JAKMIP3: variants seen among roughly 807,000 people sequenced by gnomAD.
JAKMIP3 encodes the protein Janus kinase and microtubule interacting protein 3.
JAKMIP3 carries 58 observed loss-of-function variants against 118.5 expected under a neutral mutation model. The observed-to-expected ratio is 0.49, with a 90% CI of 0.40 to 0.61. The LOEUF (loss-of-function observed/expected upper bound fraction) is 0.61, where lower values mean the gene tolerates loss of function less well. Ranked by LOEUF, JAKMIP3 falls within the 20% of genes least tolerant of loss-of-function variation. The pLI is 0.00. For synonymous variants in JAKMIP3, 486 were observed against 451.2 expected (o/e 1.08, Z -0.98); for missense variants, 950 against 1,109.0 (o/e 0.86, Z 2.04).
rs975801001 is a variant in JAKMIP3 at position 132,184,626 on chromosome 10, C to T, written c.*3373C>T. ...TCCCAGGCACTCCCTTCATAGTCAC[C>T]CTCTAACCACGTGACATTCCGTTCC... On this transcript the variant is annotated 3_prime_UTR_variant, in exon 24 of 24. Transcript: ENST00000684848. 1.3e-5 allele frequency: 2 copies of T among 152,144 alleles called. No individual in the cohort carries two copies. The highest frequency in any genetic ancestry group is 1.9e-4 in the East Asian group (1 of 5,200). The allele number at this position is 152,144 out of a possible 1,614,324, so 9.4% of individuals were successfully genotyped here. A position where few individuals can be genotyped will look rare whatever the true frequency, so the allele number is the denominator to read the frequency against.
chr10:132,062,536 G>A (rs188807193), upstream of JAKMIP3, among the ~76,000 whole-genome samples: 39 of 127,884 alleles, frequency 3.0e-4, no homozygotes, highest in Admixed American at 6.2e-4. Context: ...GAAGATGGAC[G>A]AAGATCTACA....
chr10:132,104,244 T>C (rs900850680), intron 1 of JAKMIP3, among the ~76,000 whole-genome samples: 3 of 152,100 alleles, frequency 2.0e-5, no homozygotes, highest in Non-Finnish European at 2.9e-5. Context: ...TGGGTGCAGC[T>C]TGTGGGTCTC....
At chr10:132,129,453 G>T (rs892107680) in intron 3 of JAKMIP3, among the ~76,000 whole-genome samples, 1 of 152,204 alleles carries the variant, frequency 6.6e-6, no homozygotes, top group Non-Finnish European at 1.5e-5. Flanking sequence ...TCCTTAGTCA[G>T]ATCTTTGGCA....
chr10:132,099,607 G>C (rs932301212), intron 1 of JAKMIP3, among the ~76,000 whole-genome samples: 4 of 152,186 alleles, frequency 2.6e-5, no homozygotes, highest in African/African-American at 9.7e-5. Flanking sequence ...TGCATATGCT[G>C]TGGGTTTTCC....
At chr10:132,099,033 T>C (rs1564894321) in intron 1 of JAKMIP3, among the ~76,000 whole-genome samples, 1 of 152,138 alleles carries the variant, frequency 6.6e-6, no homozygotes, top group Non-Finnish European at 1.5e-5. Context: ...TGCAGAGACA[T>C]GGACCGTCCC....
Position 132,117,630 on chromosome 10 carries a change from AGGGTGCAGGGGCGGGC to A in JAKMIP3, c.633+58_633+73del. On this transcript the variant is annotated intron_variant, in intron 3 of 23. Transcript: ENST00000684848. The surrounding 1 kb of genome is among the most constrained non-coding windows in gnomAD (Gnocchi z 8.6). Reference sequence around the variant, plus strand: ...GAGGGTGCAGGGGCGGGCGTGGGCGAGGGTGCAGGGGCGGGCGTGGGCGAGGGTGCAGGCGTGGGCT... The same window carrying A: ...GAGGGTGCAGGGGCGGGCGTGGGCGAGTGGGCGAGGGTGCAGGCGTGGGCT... 1 of 765,532 alleles carries A rather than the reference AGGGTGCAGGGGCGGGC, an allele frequency of 1.3e-6. No homozygotes were observed. Among genetic ancestry groups the A allele is most frequent in the South Asian group, 1.9e-5 (1 of 53,582 alleles). 47.4% of individuals were successfully genotyped at this position (765,532 alleles called of 1,614,324 possible). A position where few individuals can be genotyped will look rare whatever the true frequency, so the allele number is the denominator to read the frequency against.
chr10:132,098,543 C>CCATCCTGAAG, intron 1 of JAKMIP3, among the ~76,000 whole-genome samples: 3 of 152,310 alleles, frequency 2.0e-5, no homozygotes. Context: ...GGTCTCTTGT[C>CCATCCTGAAG]CATCTTGAAG....
At chr10:132,140,353 G>T (rs2053236566) in intron 9 of JAKMIP3, 98 bp from the exon 10 acceptor site, 1 of 1,541,096 alleles carries the variant, frequency 6.5e-7, no homozygotes, top group Non-Finnish European at 8.9e-7. Flanking sequence ...GCAGGGTGGG[G>T]CTGCGGCCCC....
intron 1 of JAKMIP3, among the ~76,000 whole-genome samples, chr10:132,079,007 C>A (rs911697913): frequency 9.2e-5 from 14 of 152,220 alleles, no homozygotes; most frequent in Non-Finnish European, 1.9e-4. Context: ...ACAAGCGGCG[C>A]ATGGGAGTGA....
chr10:132,103,449 GCA>G (rs2045378969), intron 1 of JAKMIP3, among the ~76,000 whole-genome samples: 4 of 57,204 alleles, frequency 7.0e-5, no homozygotes, highest in African/African-American at 3.6e-4. Flanking sequence ...GGGGAGAGGA[GCA>G]GCTGGGGGGG....
chr10:132,135,121 G>A lies in JAKMIP3; in HGVS notation c.930G>A (p.Glu310=). 1.2e-6 allele frequency: 2 copies of A among 1,613,098 alleles called. No homozygotes were observed. The highest frequency in any genetic ancestry group is 1.7e-6 in the Non-Finnish European group (2 of 1,179,332). The change falls in exon 5 of 24, where the codon GAG becomes GAA. Residue 310 remains glutamate (E), a synonymous_variant. Transcript: ENST00000684848. ...AELSAIIRKL[E]DRNALLSEER... Reference sequence around the variant, plus strand: ...TAAGTGCGATTATCCGCAAACTGGAGGACCGCAATGCATTGCTGTCGGAAG... The same window carrying A: ...TAAGTGCGATTATCCGCAAACTGGAAGACCGCAATGCATTGCTGTCGGAAG...
At chr10:132,174,822 T>A (rs894164879) in intron 23 of JAKMIP3, among the ~76,000 whole-genome samples, 2 of 152,186 alleles carry the variant, frequency 1.3e-5, no homozygotes, top group Non-Finnish European at 2.9e-5. Context: ...GAGTGGCATC[T>A]TATTTGGGGT....
chr10:132,124,828 G>T (rs1267725692), intron 3 of JAKMIP3, among the ~76,000 whole-genome samples: 1 of 152,238 alleles, frequency 6.6e-6, no homozygotes, highest in African/African-American at 2.4e-5. Context: ...GAGCCATTCG[G>T]CTGGTGGGCA....
Position 132,168,500 on chromosome 10 carries a change from C to A in JAKMIP3, c.*570C>A. 1.3e-6 allele frequency: 1 copy of A among 776,726 alleles called. No homozygotes were observed. The highest frequency in any genetic ancestry group is 1.8e-6 in the Non-Finnish European group (1 of 554,746). 48.1% of individuals were successfully genotyped at this position (776,726 alleles called of 1,614,324 possible). A position where few individuals can be genotyped will look rare whatever the true frequency, so the allele number is the denominator to read the frequency against. On this transcript the variant is annotated 3_prime_UTR_variant, in exon 23 of 24. Coordinates refer to ENST00000684848, the MANE Select transcript of JAKMIP3 (RefSeq NM_001323087.2). ...CGCCTCAGGGGCCCCTCCGATGCTG[C>A]AATATGTTGCTGGGGTCCTGAGCAC...
intron 1 of JAKMIP3, among the ~76,000 whole-genome samples, chr10:132,045,085 A>G (rs531331902): frequency 1.3e-5 from 2 of 152,092 alleles, no homozygotes; most frequent in South Asian, 4.2e-4. Context: ...TTCTGCTTTC[A>G]GTTCTTTCAT....
intron 1 of JAKMIP3, among the ~76,000 whole-genome samples, chr10:132,067,779 G>T (rs75342951): frequency 2.3e-5 from 3 of 129,040 alleles, no homozygotes; most frequent in Admixed American, 1.6e-4. Context: ...CTGGGCTTCC[G>T]TGTGGACTGT....
intron 1 of JAKMIP3, among the ~76,000 whole-genome samples, chr10:132,041,860 CTTTCT>C (rs1443414930): frequency 7.3e-5 from 11 of 151,296 alleles, no homozygotes; most frequent in South Asian, 2.1e-4. Context: ...TTTCTTTTTT[CTTTCT>C]TTTCTTTTTT....
In JAKMIP3 at chr10:132,169,364, C is replaced by T. The variant is rs533014040; in HGVS notation, c.*1103+331C>T. Among the ~76,000 whole-genome samples, 10 of 152,314 alleles carry T rather than the reference C, an allele frequency of 6.6e-5. No individual in the cohort carries two copies. In the East Asian group the frequency reaches 1.4e-3, roughly 21 times the overall value. The stretch of plus-strand genomic sequence containing the variant: ...CCGTAGGTGCAATGAGGCCGCTCTC[C>T]GAGTGCGCCTCCCTCCGCTGCTCCC... On this transcript the variant is annotated intron_variant, in intron 23 of 23. Coordinates refer to ENST00000684848, the MANE Select transcript of JAKMIP3 (RefSeq NM_001323087.2).
At chr10:132,125,306 T>G (rs2049313360) in intron 3 of JAKMIP3, among the ~76,000 whole-genome samples, 1 of 152,228 alleles carries the variant, frequency 6.6e-6, no homozygotes, top group Non-Finnish European at 1.5e-5. Flanking sequence ...TCCAACTATT[T>G]CAGGACTGTT....
Sources: gnomAD v4.1 joint callset for allele counts (sites outside exome capture counted in the v4.1 genomes callset) on GRCh38, gnomAD v4.1.1 for gene constraint, Gnocchi (gnomAD v3.1) non-coding constraint, MANE v1.5 for transcripts, NCBI Gene and HGNC (gene_info 2026-07-23, HGNC 2026-07-21) for gene names.